The following KMT2C variants were observed in gnomAD, a reference collection of about 807,000 sequenced individuals.
The protein encoded by KMT2C is histone-lysine N-methyltransferase 2C.
In KMT2C, 88 loss-of-function variants were observed where a neutral mutation model predicts 507.9. The ratio of observed to expected loss-of-function variants is 0.17; its 90% confidence interval spans 0.15 to 0.21. The LOEUF (loss-of-function observed/expected upper bound fraction) is 0.21, where lower values mean the gene tolerates loss of function less well. Among genes scored for constraint, KMT2C ranks in the 10% least tolerant of loss-of-function variants. The pLI, the probability that KMT2C is intolerant of heterozygous loss-of-function variation, is 1.00. For missense variants in KMT2C, 4,954 were observed against 5,957.8 expected (o/e 0.83, Z 5.55); for synonymous variants, 2,049 against 2,080.8 (o/e 0.98, Z 0.42).
intron 6 of KMT2C, among the ~76,000 whole-genome samples, chr7:152,294,387 C>G (rs1015276876): frequency 6.6e-6 from 1 of 152,134 alleles, no homozygotes; most frequent in African/African-American, 2.4e-5. Flanking sequence ...GGTAACATGA[C>G]CTGGGGAAGA....
intron 15 of KMT2C, among the ~76,000 whole-genome samples, chr7:152,237,715 G>T (rs575136686): frequency 2.6e-5 from 4 of 152,038 alleles, no homozygotes; most frequent in Non-Finnish European, 5.9e-5. Flanking sequence ...TGGCCAGGTT[G>T]GCCTCGAACT....
rs2129166544 is a variant in KMT2C at position 152,251,988 on chromosome 7, C to A, written c.1572G>T (p.Met524Ile). The A allele has an allele frequency of 6.2e-7, 1 of 1,612,908 alleles. No homozygotes were observed. The highest frequency in any genetic ancestry group is 1.1e-5 in the South Asian group (1 of 90,750). The change falls in exon 11 of 59, where the codon ATG becomes ATT. Residue 524 changes from methionine to isoleucine, a missense_variant. By Grantham distance (10) the Met-to-Ile change is conservative (BLOSUM62 1). Around this residue, in one of 29 missense-constraint regions of KMT2C, gnomAD observed 376 missense variants for 352.4 expected, o/e 1.07. Coordinates refer to ENST00000262189, the MANE Select transcript of KMT2C (RefSeq NM_170606.3). Reference sequence around the variant, plus strand: ...CTTCCTCACCTGGCTGTAAACGATCCATCTCAGCTCCCAGGTGTTTACAAT... The same window carrying A: ...CTTCCTCACCTGGCTGTAAACGATCAATCTCAGCTCCCAGGTGTTTACAAT... Reference protein sequence around the residue: ...CMYCKHLGAEMDRLQPGEEVE... With the variant: ...CMYCKHLGAEIDRLQPGEEVE...
intron 1 of KMT2C, among the ~76,000 whole-genome samples, chr7:152,435,068 G>A (rs996284047): frequency 3.9e-5 from 6 of 152,082 alleles, no homozygotes; most frequent in Non-Finnish European, 5.9e-5. Context: ...ATCAAAAGAA[G>A]AAAACACAGG....
chr7:152,308,298 A>G (rs1399292920), intron 6 of KMT2C, among the ~76,000 whole-genome samples: 1 of 152,194 alleles, frequency 6.6e-6, no homozygotes, highest in Admixed American at 6.5e-5. Context: ...TATCTATTAA[A>G]GCCCATATAG....
At chr7:152,139,562 A>C in intron 56 of KMT2C, 113 bp downstream of exon 56, 1 of 753,488 alleles carries the variant, frequency 1.3e-6, no homozygotes, top group South Asian at 1.6e-5. Flanking sequence ...CTTTTGTTTA[A>C]AGCTGAATGC....
At chr7:152,174,810 T>C (rs1388107290) in intron 38 of KMT2C, among the ~76,000 whole-genome samples, 2 of 152,226 alleles carry the variant, frequency 1.3e-5, no homozygotes, top group East Asian at 3.8e-4. Context: ...TGCTAATTCT[T>C]ATTCTTAGAG....
At chr7:152,383,582 G>A (rs946981253) in intron 1 of KMT2C, among the ~76,000 whole-genome samples, 1 of 152,204 alleles carries the variant, frequency 6.6e-6, no homozygotes, top group Non-Finnish European at 1.5e-5. Flanking sequence ...GCGGGGCACA[G>A]AGCATACACT....
chr7:152,223,552 A>G (rs896957737), intron 20 of KMT2C, among the ~76,000 whole-genome samples: 7 of 152,100 alleles, frequency 4.6e-5, no homozygotes, highest in African/African-American at 1.7e-4. Flanking sequence ...ATAAAACTTT[A>G]GGAGGCTGAG....
intron 2 of KMT2C, among the ~76,000 whole-genome samples, chr7:152,333,444 A>G (rs1437181916): frequency 2.6e-5 from 4 of 152,172 alleles, no homozygotes; most frequent in Admixed American, 2.0e-4. Context: ...TCCTCTTTGA[A>G]GAACTTATTA....
chr7:152,141,712 C>CAAAAAAAAAAAAAAAAA (rs1249621681), intron 55 of KMT2C, among the ~76,000 whole-genome samples: 4 of 61,880 alleles, frequency 6.5e-5, no homozygotes, highest in African/African-American at 2.3e-4. Flanking sequence ...GACTCTGTCT[C>CAAAAAAAAAAAAAAAAA]AAAAAAAAAA....
At chr7:152,243,545 GACAAGGCGGGTGGATC>G (rs1297970079) in intron 14 of KMT2C, among the ~76,000 whole-genome samples, 1 of 152,124 alleles carries the variant, frequency 6.6e-6, no homozygotes, top group Non-Finnish European at 1.5e-5. Context: ...ACTTTGGGAG[GACAAGGCGGGTGGATC>G]ACCTGAGGTC....
At chr7:152,242,336 C>T (rs1472792389) in intron 14 of KMT2C, among the ~76,000 whole-genome samples, 1 of 152,138 alleles carries the variant, frequency 6.6e-6, no homozygotes, top group Non-Finnish European at 1.5e-5. Context: ...ATGAAACACA[C>T]TAATGCCTCC....
intron 6 of KMT2C, among the ~76,000 whole-genome samples, chr7:152,275,046 CAT>C (rs1048690827): frequency 1.4e-4 from 21 of 152,192 alleles, no homozygotes; most frequent in African/African-American, 4.1e-4. Flanking sequence ...GATATCTTCA[CAT>C]GTTACTACAC....
At chr7:152,313,798 A>G (rs1221067030) in intron 4 of KMT2C, among the ~76,000 whole-genome samples, 2 of 152,144 alleles carry the variant, frequency 1.3e-5, no homozygotes, top group African/African-American at 4.8e-5. Flanking sequence ...AAGTATATAT[A>G]AAGACTTTCG....
intron 2 of KMT2C, among the ~76,000 whole-genome samples, chr7:152,338,003 C>T (rs1256414176): frequency 1.3e-5 from 2 of 151,976 alleles, no homozygotes; most frequent in Non-Finnish European, 2.9e-5. Flanking sequence ...ACTACAGGCG[C>T]CCGGCACCAC....
rs2129145492 is a variant in KMT2C at position 152,220,503 on chromosome 7, G to A, written c.3712+20C>T. On this transcript the variant is annotated intron_variant, in intron 23 of 58. Coordinates refer to ENST00000262189, the MANE Select transcript of KMT2C (RefSeq NM_170606.3). ...TTTAATTCTTGCACACATATTTCATGGAAAATAAATTAGTATTACCTCGAC... is the reference window on the plus strand; with the variant it reads ...TTTAATTCTTGCACACATATTTCATAGAAAATAAATTAGTATTACCTCGAC... 2 of 1,539,622 alleles carry A rather than the reference G, an allele frequency of 1.3e-6. No individual in the cohort carries two copies. The highest frequency in any genetic ancestry group is 1.8e-6 in the Non-Finnish European group (2 of 1,114,120).
chr7:152,146,252 C>A (rs2091087266), intron 53 of KMT2C, among the ~76,000 whole-genome samples: 1 of 152,152 alleles, frequency 6.6e-6, no homozygotes, highest in Non-Finnish European at 1.5e-5. Flanking sequence ...GAAATGGGCA[C>A]ACTGACATTC....
intron 3 of KMT2C, among the ~76,000 whole-genome samples, chr7:152,329,402 CA>C (rs936515346): frequency 4.7e-5 from 7 of 148,578 alleles, no homozygotes; most frequent in African/African-American, 9.9e-5. Flanking sequence ...CAGTCTCTAC[CA>C]AAAAAAAAGC....
intron 44 of KMT2C, 90 bp from the exon 45 acceptor site, chr7:152,156,436 T>A: frequency 6.7e-7 from 1 of 1,497,252 alleles, no homozygotes; most frequent in South Asian, 1.3e-5. Flanking sequence ...TTTTTGCACA[T>A]AGAAGCAAGG....
Sources: gnomAD v4.1 joint callset for allele counts (sites outside exome capture counted in the v4.1 genomes callset) on GRCh38, gnomAD v4.1.1 for gene constraint, gnomAD v4.1.1 regional missense constraint, MANE v1.5 for transcripts, NCBI Gene and HGNC (gene_info 2026-07-23, HGNC 2026-07-21) for gene names.